Variants in TNRC6B observed in about 807,000 individuals in gnomAD.
TNRC6B encodes trinucleotide repeat-containing gene 6B protein.
A neutral mutation model predicts 203.6 loss-of-function variants in TNRC6B; 52 were observed. The observed-to-expected ratio is 0.26, with a 90% confidence interval of 0.20 to 0.32. The LOEUF is 0.32. Among genes scored for constraint, TNRC6B ranks in the 10% least tolerant of loss-of-function variants. The pLI is 1.00. For synonymous variants in TNRC6B, 838 were observed against 845.7 expected, an observed-to-expected ratio of 0.99 and a Z score of 0.16; for missense variants, 1,923 against 2,286.2, an observed-to-expected ratio of 0.84 and a Z score of 3.24.
intron 3 of TNRC6B, among the ~76,000 whole-genome samples, chr22:40,127,690 G>A (rs2146325866): frequency 6.6e-6 from 1 of 152,208 alleles, no homozygotes; most frequent in East Asian, 1.9e-4. Context: ...TAGGCAACAT[G>A]ACAAAACCCT....
At chr22:40,169,986 A>G (rs1026057234) in intron 4 of TNRC6B, among the ~76,000 whole-genome samples, 4 of 151,886 alleles carry the variant, frequency 2.6e-5, no homozygotes, top group African/African-American at 9.7e-5. Context: ...CTTAACAGGT[A>G]ACATATTTAG....
chr22:40,153,716 C>G (rs537608959), intron 3 of TNRC6B, among the ~76,000 whole-genome samples: 4 of 151,590 alleles, frequency 2.6e-5, no homozygotes. Flanking sequence ...TGAACAAAAA[C>G]GGTAACTTAC....
intron 1 of TNRC6B, among the ~76,000 whole-genome samples, chr22:40,184,487 T>C (rs1785195267): frequency 1.3e-5 from 2 of 152,204 alleles, no homozygotes; most frequent in African/African-American, 4.8e-5. Context: ...CTTGACCAGA[T>C]GCAGAAGAGT....
intron 3 of TNRC6B, among the ~76,000 whole-genome samples, chr22:40,142,253 G>T (rs1468795055): frequency 2.7e-5 from 4 of 148,764 alleles, no homozygotes; most frequent in African/African-American, 1.0e-4. Flanking sequence ...TAAGAGAGGG[G>T]TCTCCACTAT....
intron 1 of TNRC6B, among the ~76,000 whole-genome samples, chr22:40,238,934 G>T (rs527980075): frequency 1.5e-4 from 23 of 151,584 alleles, no homozygotes; most frequent in African/African-American, 5.1e-4. Flanking sequence ...TGGGCGCAGT[G>T]GCTCACGCCT....
chr22:40,197,754 G>A (rs2069360534), intron 1 of TNRC6B, among the ~76,000 whole-genome samples: 1 of 151,598 alleles, frequency 6.6e-6, no homozygotes, highest in Non-Finnish European at 1.5e-5. Context: ...CTACAGGCAT[G>A]AGCCACCGTG....
At chr22:40,103,075 C>T (rs1261959238) in intron 1 of TNRC6B, among the ~76,000 whole-genome samples, 1 of 150,890 alleles carries the variant, frequency 6.6e-6, no homozygotes, top group African/African-American at 2.4e-5. Context: ...GAGTCTGTCT[C>T]AAAATAAATA....
In TNRC6B at chr22:40,149,196, T is replaced by C. The variant is rs111642115; in HGVS notation, c.46-6919T>C. ...TCAGCTGTGAAAGGAAAATGAACTA[T>C]TGACACTTGAAACCACATGGATGAA... On this transcript the variant is annotated intron_variant, in intron 3 of 23. Transcript: ENST00000301923. Among the ~76,000 whole-genome samples, 21 of 152,346 alleles carry C rather than the reference T, an allele frequency of 1.4e-4. No homozygotes were observed. The East Asian group carries it at 3.3e-3, about 24-fold the overall frequency.
At chr22:40,143,695 A>C (rs1601838926) in intron 3 of TNRC6B, among the ~76,000 whole-genome samples, 1 of 152,160 alleles carries the variant, frequency 6.6e-6, no homozygotes, top group Admixed American at 6.6e-5. Flanking sequence ...ACAGGGTTTC[A>C]CCGTGTTAGC....
chr22:40,320,807 A>G (rs2071324877), intron 21 of TNRC6B, among the ~76,000 whole-genome samples: 2 of 152,194 alleles, frequency 1.3e-5, no homozygotes, highest in African/African-American at 4.8e-5. Context: ...CTTTCTCTTT[A>G]CAGAGGAATA....
At chr22:40,278,356 G>T (rs552648288) in intron 9 of TNRC6B, among the ~76,000 whole-genome samples, 1 of 151,928 alleles carries the variant, frequency 6.6e-6, no homozygotes, top group Non-Finnish European at 1.5e-5. Context: ...TCAAGAGATC[G>T]AGACCATCCT....
chr22:40,269,391 C>G (rs1391374725), intron 5 of TNRC6B, among the ~76,000 whole-genome samples: 1 of 152,034 alleles, frequency 6.6e-6, no homozygotes, highest in Admixed American at 6.5e-5. Flanking sequence ...GCCTTGGCTC[C>G]TAAAGTGCTG....
chr22:40,275,034 C>T (rs1205189938), intron 7 of TNRC6B, among the ~76,000 whole-genome samples: 2 of 152,244 alleles, frequency 1.3e-5, no homozygotes, highest in Non-Finnish European at 2.9e-5. Flanking sequence ...TCTTAGAGGC[C>T]TTCCCATGTC....
chr22:40,144,324 A>G (rs776520208), intron 3 of TNRC6B, among the ~76,000 whole-genome samples: 6 of 152,242 alleles, frequency 3.9e-5, no homozygotes, highest in Non-Finnish European at 5.9e-5. Context: ...CTAGCTGTCT[A>G]TCTAATGAAT....
chr22:40,201,810 T>C (rs186988902), intron 1 of TNRC6B, among the ~76,000 whole-genome samples: 1 of 152,202 alleles, frequency 6.6e-6, no homozygotes, highest in East Asian at 1.9e-4. Context: ...CTGAAACTTT[T>C]TGAGCACCAG....
intron 1 of TNRC6B, among the ~76,000 whole-genome samples, chr22:40,238,130 T>C (rs1168075501): frequency 6.6e-6 from 1 of 152,170 alleles, no homozygotes; most frequent in African/African-American, 2.4e-5. Context: ...GGCCCTACTG[T>C]GTTTCTGGTG....
At position 40,160,248 on chromosome 22, in the gene TNRC6B, A is replaced by G. The variant is rs559220979; in HGVS notation, c.113+4066A>G. 5.9e-5 allele frequency among the ~76,000 whole-genome samples: 9 copies of G among 152,252 alleles called. No homozygotes were observed. The East Asian group carries it at 1.7e-3, about 29-fold the overall frequency. On this transcript the variant is annotated intron_variant, in intron 4 of 23. Transcript: ENST00000301923. ...TCCCAGCACTTTGGGAGGCTGAGGC[A>G]GGCGGATCACCTGAGGTCGGGAGTT...
At chr22:40,120,218 C>T (rs2068431117) in intron 2 of TNRC6B, among the ~76,000 whole-genome samples, 1 of 151,666 alleles carries the variant, frequency 6.6e-6, no homozygotes, top group South Asian at 2.1e-4. Flanking sequence ...ATTAGCTGGG[C>T]ATGGTGATGT....
chr22:40,123,568 A>G (rs534489347), intron 2 of TNRC6B, among the ~76,000 whole-genome samples: 23 of 152,292 alleles, frequency 1.5e-4, no homozygotes, highest in Admixed American at 3.9e-4. Flanking sequence ...AAGGAGCCCA[A>G]TGATGGTGTC....
Sources: allele counts gnomAD v4.1 joint callset (sites outside exome capture counted in the v4.1 genomes callset), GRCh38; gene constraint gnomAD v4.1.1; transcripts MANE v1.5; gene names NCBI Gene and HGNC (gene_info 2026-07-23, HGNC 2026-07-21).